The following WDR47 variants were observed in gnomAD, a reference collection of about 807,000 sequenced individuals.
The protein encoded by WDR47 is WD repeat domain 47.
Under a neutral mutation model 97.2 loss-of-function variants are expected in WDR47, and 32 were observed. The observed-to-expected ratio is 0.33, with a 90% CI of 0.25 to 0.44. The LOEUF is 0.44. Ranked by LOEUF, WDR47 falls within the 20% of genes least tolerant of loss-of-function variation. WDR47 has a pLI of 1.00. For synonymous variants in WDR47, 375 were observed against 373.5 expected (o/e 1.00, Z -0.05); for missense variants, 782 against 1,102.3 (o/e 0.71, Z 4.11).
At chr1:108,972,548 G>A (rs1657536762) in intron 14 of WDR47, among the ~76,000 whole-genome samples, 1 of 152,134 alleles carries the variant, frequency 6.6e-6, no homozygotes, top group East Asian at 1.9e-4. Flanking sequence ...AATGGGGGAG[G>A]CAGGCTATGC....
intron 11 of WDR47, among the ~76,000 whole-genome samples, chr1:108,983,010 C>G (rs1423681017): frequency 2.0e-5 from 3 of 152,022 alleles, no homozygotes; most frequent in Non-Finnish European, 4.4e-5. Context: ...AAAAAGAAGA[C>G]AAGTGATCTC....
intron 2 of WDR47, among the ~76,000 whole-genome samples, chr1:109,022,144 A>T (rs1226782308): frequency 6.6e-6 from 1 of 152,202 alleles, no homozygotes; most frequent in Admixed American, 6.5e-5. Context: ...CACCATGCCC[A>T]GCCTGAAAAT....
intron 4 of WDR47, among the ~76,000 whole-genome samples, chr1:109,013,535 TAAAA>T (rs574677261): frequency 6.6e-6 from 1 of 151,866 alleles, no homozygotes; most frequent in Non-Finnish European, 1.5e-5. Context: ...TTCCGGGATT[TAAAA>T]AAAAGAAGAA....
At chr1:109,026,553 T>G (rs1662230513) in intron 1 of WDR47, among the ~76,000 whole-genome samples, 1 of 152,122 alleles carries the variant, frequency 6.6e-6, no homozygotes, top group Non-Finnish European at 1.5e-5. Flanking sequence ...GCCCTTCAGG[T>G]AATTCTTACT....
At chr1:108,977,153 G>T (rs984482649) in intron 13 of WDR47, among the ~76,000 whole-genome samples, 1 of 151,780 alleles carries the variant, frequency 6.6e-6, no homozygotes, top group East Asian at 1.9e-4. Flanking sequence ...AGGTAACTGG[G>T]TTTTTTTCTT....
intron 5 of WDR47, among the ~76,000 whole-genome samples, chr1:109,007,741 A>G (rs1182369709): frequency 6.6e-6 from 1 of 152,202 alleles, no homozygotes; most frequent in Non-Finnish European, 1.5e-5. Flanking sequence ...AGAGAGATTA[A>G]ATAACTTTCC....
intron 7 of WDR47, among the ~76,000 whole-genome samples, chr1:108,997,421 C>A (rs1159698668): frequency 2.0e-5 from 3 of 148,458 alleles, no homozygotes; most frequent in Non-Finnish European, 4.5e-5. Flanking sequence ...AAAGTGAGAT[C>A]CCATCTCAGA....
At chr1:109,023,264 T>C (rs534470834) in intron 2 of WDR47, 91 bp downstream of exon 2, 10 of 1,185,514 alleles carry the variant, frequency 8.4e-6, no homozygotes, top group East Asian at 2.8e-5. Flanking sequence ...TTCATGATTA[T>C]AAAGTTCTAT....
chr1:108,971,859 A>T (rs1657480523), intron 14 of WDR47, among the ~76,000 whole-genome samples: 1 of 152,040 alleles, frequency 6.6e-6, no homozygotes, highest in Non-Finnish European at 1.5e-5. Context: ...ATCTTTTGCT[A>T]GTTTCCCTTT....
rs143766305 is a variant in WDR47 at position 108,987,757 on chromosome 1, C to T, written c.1768-1077G>A. Among the ~76,000 whole-genome samples the T allele has an allele frequency of 6.0e-3, 918 of 152,154 alleles. 12 individuals are homozygous for T. Among genetic ancestry groups the T allele is most frequent in the African/African-American group, 0.021 (868 of 41,510 alleles). ...TGCTGGGATTACAGGCATGAGCCACCGCACCTGGTTCCAGCCAATTGTTTT... is the reference window on the plus strand; with the variant it reads ...TGCTGGGATTACAGGCATGAGCCACTGCACCTGGTTCCAGCCAATTGTTTT... On this transcript the variant is annotated intron_variant, in intron 9 of 14. Transcript: ENST00000369962.
chr1:109,037,379 T>C (rs9778123), intron 1 of WDR47, among the ~76,000 whole-genome samples: 16,215 of 141,008 alleles, frequency 0.11, 996 homozygotes, highest in Middle Eastern at 0.19. Flanking sequence ...TGGCTCACGC[T>C]TGTAATCCCA....
chr1:108,983,166 T>A lies in WDR47; in HGVS notation c.2095+116A>T, dbSNP rs946426007. The A allele has an allele frequency of 1.2e-5, 13 of 1,097,270 alleles. No homozygotes were observed. In the South Asian group the frequency reaches 1.4e-4, roughly 12 times the overall value. 68.0% of individuals were successfully genotyped at this position (1,097,270 alleles called of 1,614,324 possible). A position where few individuals can be genotyped will look rare whatever the true frequency, so the allele number is the denominator to read the frequency against. On this transcript the variant is annotated intron_variant, in intron 11 of 14. Transcript: ENST00000369962. ...TAAACAATTAGAATTATTGAAAAAA[T>A]TATTCTTTAAGATTATATTCTTGGA...
intron 1 of WDR47, among the ~76,000 whole-genome samples, chr1:109,028,635 T>C (rs934804288): frequency 3.8e-4 from 58 of 151,558 alleles, no homozygotes; most frequent in South Asian, 2.1e-4. Context: ...GTATCTTTAG[T>C]AGAGGTGGGG....
chr1:109,034,903 A>C (rs1437001929), intron 1 of WDR47, among the ~76,000 whole-genome samples: 1 of 152,188 alleles, frequency 6.6e-6, no homozygotes, highest in African/African-American at 2.4e-5. Context: ...GAATGAATAT[A>C]AACAGGCCCA....
intron 1 of WDR47, among the ~76,000 whole-genome samples, chr1:109,031,463 A>G (rs2102033841): frequency 7.1e-6 from 1 of 139,866 alleles, no homozygotes; most frequent in South Asian, 2.3e-4. Flanking sequence ...ACTAGATAAG[A>G]ATAGAAATGG....
In WDR47 at chr1:109,011,173, G is replaced by C; in HGVS notation, c.873C>G (p.Leu291=). 2 of 1,614,192 alleles carry C rather than the reference G, an allele frequency of 1.2e-6. No homozygotes were observed. Among genetic ancestry groups the C allele is most frequent in the South Asian group, 1.1e-5 (1 of 91,090 alleles). Residue 291 remains leucine (L), a synonymous_variant, in exon 5 of 15, where the codon CTC becomes CTG. Transcript: ENST00000369962. ...ADLLTPLISK[L]SPYPSSPMRR... ...TCATTGGGGATGATGGATAGGGAGA[G>C]AGTTTGCTGATAAGAGGAGTCAAAA...
rs928292967 is a variant in WDR47, at chr1:108,971,173, A to C, written c.*257T>G. On this transcript the variant is annotated 3_prime_UTR_variant, in exon 15 of 15. Transcript: ENST00000369962. ...TCCTGACTTGGAGTGCACACCAACA[A>C]CTGAAGAGCTCTTCTGCAGACTTTG... 4.8e-6 allele frequency: 2 copies of C among 412,802 alleles called. No homozygotes were observed. Among genetic ancestry groups the C allele is most frequent in the Admixed American group, 7.9e-5 (2 of 25,362 alleles). 25.6% of individuals were successfully genotyped at this position (412,802 alleles called of 1,614,324 possible).
intron 8 of WDR47, among the ~76,000 whole-genome samples, chr1:108,994,237 A>C (rs1422773921): frequency 6.6e-6 from 1 of 152,148 alleles, no homozygotes. Flanking sequence ...CTCTACCAAA[A>C]ATACAAAACA....
rs1469123377 is a variant in WDR47, at chr1:108,970,326, T to C, written c.*1104A>G. The C allele has an allele frequency of 6.6e-6, 1 of 152,600 alleles. No homozygotes were observed. The highest frequency in any genetic ancestry group is 6.6e-5 in the Admixed American group (1 of 15,256). 9.5% of individuals were successfully genotyped at this position (152,600 alleles called of 1,614,324 possible). On this transcript the variant is annotated 3_prime_UTR_variant, in exon 15 of 15. Coordinates refer to ENST00000369962, the MANE Select transcript of WDR47 (RefSeq NM_001142551.2). ...CTTGCTACATACAGTGCACAGACAGTTCAATAATGAGAACTAATACAACTG... is the reference window on the plus strand; with the variant it reads ...CTTGCTACATACAGTGCACAGACAGCTCAATAATGAGAACTAATACAACTG...
Sources: gnomAD v4.1 joint callset for allele counts (sites outside exome capture counted in the v4.1 genomes callset) on GRCh38, gnomAD v4.1.1 for gene constraint, MANE v1.5 for transcripts, NCBI Gene and HGNC (gene_info 2026-07-23, HGNC 2026-07-21) for gene names.